The following PRKCH variants were observed in gnomAD, a reference collection of about 807,000 sequenced individuals.
The protein encoded by PRKCH is protein kinase C eta.
In PRKCH, 28 loss-of-function variants were observed where a neutral mutation model predicts 82.5. The ratio of observed to expected loss-of-function variants is 0.34; its 90% CI spans 0.25 to 0.47. The LOEUF (loss-of-function observed/expected upper bound fraction) is 0.47. Among genes scored for constraint, PRKCH ranks in the 20% least tolerant of loss-of-function variants. The probability of loss-of-function intolerance (pLI) is 1.00; values close to 1 mark genes in which losing one functional copy is unlikely to be tolerated. For missense variants in PRKCH, 705 were observed against 881.8 expected (o/e 0.80, Z 2.54); for synonymous variants, 322 against 327.4 (o/e 0.98, Z 0.18).
At chr14:61,450,729 C>T in intron 5 of PRKCH, 113 bp from the exon 6 acceptor site, 1 of 1,263,550 alleles carries the variant, frequency 7.9e-7, no homozygotes, top group Non-Finnish European at 1.1e-6. Flanking sequence ...AAATAATATA[C>T]CTAGCTCAGG....
At chr14:61,406,901 A>G (rs1220370532) in intron 2 of PRKCH, among the ~76,000 whole-genome samples, 1 of 151,932 alleles carries the variant, frequency 6.6e-6, no homozygotes, top group Non-Finnish European at 1.5e-5. Context: ...TTGGTGATGA[A>G]CTCGACATCC....
At chr14:61,381,486 A>T (rs1378232255) in intron 1 of PRKCH, among the ~76,000 whole-genome samples, 2 of 152,228 alleles carry the variant, frequency 1.3e-5, no homozygotes, top group Non-Finnish European at 2.9e-5. Flanking sequence ...ATTAGCAGGG[A>T]TGTAGTATTT....
intron 1 of PRKCH, among the ~76,000 whole-genome samples, chr14:61,188,461 C>A (rs1184319153): frequency 7.1e-6 from 1 of 140,324 alleles, no homozygotes; most frequent in Admixed American, 7.5e-5. Context: ...TCCCAGGCAG[C>A]GGCTCGGGCA....
At chr14:61,467,462 AG>A (rs1363249518) in intron 9 of PRKCH, among the ~76,000 whole-genome samples, 1 of 152,138 alleles carries the variant, frequency 6.6e-6, no homozygotes, top group African/African-American at 2.4e-5. Context: ...CATTTGGCTG[AG>A]CCCCTGCCAG....
At chr14:61,354,491 T>TC (rs1046727765) in intron 1 of PRKCH, among the ~76,000 whole-genome samples, 7 of 151,996 alleles carry the variant, frequency 4.6e-5, no homozygotes, top group African/African-American at 1.4e-4. Context: ...TTCCTTTTTT[T>TC]CCCCCTATAT....
At chr14:61,529,340 C>A (rs1026885529) in intron 11 of PRKCH, 127 bp downstream of exon 11, 89 of 1,090,122 alleles carry the variant, frequency 8.2e-5, no homozygotes, top group South Asian at 2.9e-4. Context: ...AGAGCCGACA[C>A]CTCTAGACTC....
At chr14:61,232,516 C>T (rs776430315) in intron 1 of PRKCH, among the ~76,000 whole-genome samples, 16 of 152,188 alleles carry the variant, frequency 1.1e-4, no homozygotes, top group Admixed American at 5.9e-4. Context: ...CCACCGTGCC[C>T]GGCCAGGATA....
At chr14:61,507,130 A>G (rs565354078) in intron 10 of PRKCH, among the ~76,000 whole-genome samples, 3 of 152,294 alleles carry the variant, frequency 2.0e-5, no homozygotes, top group Non-Finnish European at 2.9e-5. Flanking sequence ...TGGACAAAGG[A>G]CCTGAATAGA....
intron 1 of PRKCH, among the ~76,000 whole-genome samples, chr14:61,276,483 G>A (rs2045203472): frequency 6.6e-6 from 1 of 151,800 alleles, no homozygotes. Flanking sequence ...ACCCTCCTGA[G>A]TAGCTGTCAC....
chr14:61,491,547 G>A (rs1426812066), intron 10 of PRKCH, among the ~76,000 whole-genome samples: 2 of 152,122 alleles, frequency 1.3e-5, no homozygotes, highest in Admixed American at 6.5e-5. Context: ...TGCCATGGTG[G>A]CCTCATTCAG....
At chr14:61,513,440 C>A (rs2042776763) in intron 10 of PRKCH, among the ~76,000 whole-genome samples, 1 of 152,110 alleles carries the variant, frequency 6.6e-6, no homozygotes, top group African/African-American at 2.4e-5. Flanking sequence ...AGACACCAAA[C>A]TTGGCCTAGG....
intron 1 of PRKCH, among the ~76,000 whole-genome samples, chr14:61,260,085 A>C (rs2140079173): frequency 6.6e-6 from 1 of 152,356 alleles, no homozygotes; most frequent in Admixed American, 6.5e-5. Flanking sequence ...CGTATCAAAC[A>C]AATGGTTGCA....
At chr14:61,271,033 G>T (rs1264015365) in intron 1 of PRKCH, among the ~76,000 whole-genome samples, 1 of 152,132 alleles carries the variant, frequency 6.6e-6, no homozygotes, top group Non-Finnish European at 1.5e-5. Context: ...AGACTCCCTG[G>T]CAACCTTTTC....
chr14:61,319,728 G>A (rs1286339885), upstream of PRKCH, among the ~76,000 whole-genome samples: 4 of 152,252 alleles, frequency 2.6e-5, no homozygotes, highest in East Asian at 3.9e-4. Context: ...GGGTAGATGC[G>A]ACATCTTCCC....
intron 1 of PRKCH, among the ~76,000 whole-genome samples, chr14:61,341,496 C>T (rs12878079): frequency 0.015 from 2,245 of 152,300 alleles, 26 homozygotes; most frequent in Non-Finnish European, 0.025. Context: ...CACTGAGCAC[C>T]TGCTGTGGCC....
chr14:61,437,602 C>T (rs1883737574), intron 2 of PRKCH, among the ~76,000 whole-genome samples: 1 of 152,194 alleles, frequency 6.6e-6, no homozygotes, highest in Non-Finnish European at 1.5e-5. Flanking sequence ...GTTTCTGTTT[C>T]CTCACTAGAA....
intron 2 of PRKCH, 120 bp downstream of exon 2, chr14:61,391,408 T>A (rs2046679918): frequency 2.3e-6 from 2 of 879,274 alleles, no homozygotes; most frequent in South Asian, 4.4e-5. Context: ...AAAAAATCAC[T>A]TTCATAAGTT....
intron 1 of PRKCH, among the ~76,000 whole-genome samples, chr14:61,376,693 A>G (rs1166421885): frequency 3.3e-5 from 5 of 152,020 alleles, no homozygotes; most frequent in East Asian, 1.9e-4. Context: ...CAGCACCTCC[A>G]GCCCCATCTA....
At position 61,484,291 on chromosome 14, in the gene PRKCH, C is replaced by CTTTTT. The variant is rs71449556; in HGVS notation, c.1279-1193_1279-1189dup. Among the ~76,000 whole-genome samples the CTTTTT allele has an allele frequency of 1.7e-3, 148 of 86,398 alleles. 2 individuals carry two copies. Among genetic ancestry groups the CTTTTT allele is most frequent in the African/African-American group, 5.2e-3 (116 of 22,280 alleles). The allele number at this position is 86,398 out of a possible 152,430, so 56.7% of individuals were successfully genotyped here. On this transcript the variant is annotated intron_variant, in intron 9 of 13. Coordinates refer to ENST00000332981, the MANE Select transcript of PRKCH (RefSeq NM_006255.5). ...AGAATTTGTCAATCTGCTTGTGTCA[C>CTTTTT]TTTTTTTTTTTTTTTTTTTTTTGAG... is the stretch of plus-strand genomic sequence containing the variant.
Sources: allele counts gnomAD v4.1 joint callset (sites outside exome capture counted in the v4.1 genomes callset), GRCh38; gene constraint gnomAD v4.1.1; transcripts MANE v1.5; gene names NCBI Gene and HGNC (gene_info 2026-07-23, HGNC 2026-07-21).